Variants in MYADML2 observed in about 807,000 individuals in gnomAD.
The protein encoded by MYADML2 is myeloid-associated differentiation marker-like protein 2.
Under a neutral mutation model 16.0 loss-of-function variants are expected in MYADML2, and 17 were observed. The ratio of observed to expected loss-of-function variants is 1.06; its 90% CI spans 0.73 to 1.60. MYADML2 has a LOEUF of 1.60. MYADML2 is among the 40% of genes most tolerant of loss of function. The probability of loss-of-function intolerance (pLI) is 0.00; values close to 1 mark genes in which losing one functional copy is unlikely to be tolerated. For synonymous variants in MYADML2, 210 were observed against 208.1 expected (o/e 1.01, Z -0.08); for missense variants, 422 against 437.7 (o/e 0.96, Z 0.32).
intron 1 of MYADML2, among the ~76,000 whole-genome samples, chr17:81,944,212 C>G (rs1289899010): frequency 6.6e-6 from 1 of 152,032 alleles, no homozygotes; most frequent in South Asian, 2.1e-4. Flanking sequence ...TGAGACCGTC[C>G]TGGCTAACAC....
At chr17:81,945,375 TA>T (rs1227259124) in intron 1 of MYADML2, among the ~76,000 whole-genome samples, 3 of 151,688 alleles carry the variant, frequency 2.0e-5, no homozygotes, top group African/African-American at 4.8e-5. Flanking sequence ...CCATCTCTAC[TA>T]AAAATACAAA....
In MYADML2 at chr17:81,941,445, G is replaced by A. The variant is rs1211607447; in HGVS notation, c.297C>T (p.Cys99=). ...AAFAMLATLL[C]ATAAVLYPLY... is the part of the protein sequence containing the mutation. ...GCGGATACAGGACCGCAGCCGTCGC[G>A]CATAGCAGGGTGGCCAGCATGGCGA... Residue 99 remains cysteine (C), a synonymous_variant, in exon 3 of 3, where the codon TGC becomes TGT. Transcript: ENST00000409745. 5.2e-6 allele frequency: 8 copies of A among 1,549,376 alleles called. No individual in the cohort carries two copies. Among genetic ancestry groups the A allele is most frequent in the Middle Eastern group, 1.7e-4 (1 of 5,964 alleles).
chr17:81,943,390 A>AT (rs1382454626), intron 1 of MYADML2, among the ~76,000 whole-genome samples: 35 of 143,222 alleles, frequency 2.4e-4, no homozygotes, highest in Admixed American at 1.4e-3. Flanking sequence ...TTTCTTACTA[A>AT]TTTTTTTTTC....
Position 81,946,024 on chromosome 17 carries a change from C to T in MYADML2, c.-181+1035G>A, listed in dbSNP as rs982193328. Among the ~76,000 whole-genome samples the T allele has an allele frequency of 7.2e-5, 11 of 152,154 alleles. No individual in the cohort carries two copies. The East Asian group carries it at 1.9e-3, about 27-fold the overall frequency. On this transcript the variant is annotated intron_variant, in intron 1 of 2. Coordinates refer to ENST00000409745, the MANE Select transcript of MYADML2 (RefSeq NM_001145113.3). ...ACATTTGGTCATCTGTCCTCAGGTT[C>T]CACACCCAAGTATTCAACAAACCTC...
chr17:81,943,419 T>C (rs1431333127), intron 1 of MYADML2, among the ~76,000 whole-genome samples: 2 of 150,774 alleles, frequency 1.3e-5, no homozygotes, highest in Non-Finnish European at 3.0e-5. Context: ...TTTTTTTTTT[T>C]TTGAGACAGA....
Position 81,941,359 on chromosome 17 carries a change from CG to C in MYADML2, c.382del (p.Arg128AlafsTer21). ...CCCGGCGAAGACACTGGCTGCCAGG[CG>C]GAAGTCCCTGGCAGCACAGCCGGCG... ...EPAGCAARDF[R>X]LAASVFAGLL... is the part of the protein sequence containing the mutation. On this transcript the variant is annotated frameshift_variant, in exon 3 of 3. Transcript: ENST00000409745. LOFTEE classifies it high-confidence loss of function. 6.5e-7 allele frequency: 1 copy of C among 1,548,756 alleles called. No individual in the cohort carries two copies. Among genetic ancestry groups the C allele is most frequent in the Non-Finnish European group, 8.7e-7 (1 of 1,146,256 alleles).
chr17:81,945,350 T>C (rs538462665), intron 1 of MYADML2, among the ~76,000 whole-genome samples: 42 of 151,946 alleles, frequency 2.8e-4, no homozygotes, highest in East Asian at 2.3e-3. Context: ...CCATCCTGGC[T>C]AACACAGTGA....
In MYADML2 at chr17:81,941,247, C is replaced by A; in HGVS notation, c.495G>T (p.Gly165=). The change falls in exon 3 of 3, where the codon GGG becomes GGT. Residue 165 remains glycine, a synonymous_variant. Transcript: ENST00000409745. ...CGAAGGCCTGGACGATCTTGAGGAG[C>A]CCCGACACCGTGGCCATATAGCTGC... ...QVSSYMATVS[G]LLKIVQAFVA... 6.5e-7 allele frequency: 1 copy of A among 1,550,150 alleles called. No homozygotes were observed. Among genetic ancestry groups the A allele is most frequent in the South Asian group, 1.2e-5 (1 of 84,070 alleles).
intron 1 of MYADML2, among the ~76,000 whole-genome samples, chr17:81,943,973 G>A (rs185661816): frequency 0.018 from 2,789 of 151,778 alleles, 86 homozygotes; most frequent in African/African-American, 0.065. Flanking sequence ...TTAGCCAGGT[G>A]TGGTGGCACG....
intron 1 of MYADML2, among the ~76,000 whole-genome samples, chr17:81,943,308 A>T (rs1424511387): frequency 6.6e-6 from 1 of 151,196 alleles, no homozygotes; most frequent in Non-Finnish European, 1.5e-5. Context: ...TGACCTCGTG[A>T]TCCACCTGCC....
chr17:81,946,290 G>C (rs1372229197), intron 1 of MYADML2, among the ~76,000 whole-genome samples: 2 of 152,104 alleles, frequency 1.3e-5, no homozygotes, highest in Non-Finnish European at 2.9e-5. Context: ...GGAAGGCAGA[G>C]GTTGCAGTCA....
Position 81,941,184 on chromosome 17 carries a change from G to A in MYADML2, c.558C>T (p.Ser186=). The A allele has an allele frequency of 1.3e-6, 2 of 1,550,214 alleles. No individual in the cohort carries two copies. The highest frequency in any genetic ancestry group is 2.4e-5 in the South Asian group (2 of 84,064). The change falls in exon 3 of 3, where the codon AGC becomes AGT. Residue 186 remains serine, a synonymous_variant. Coordinates refer to ENST00000409745, the MANE Select transcript of MYADML2 (RefSeq NM_001145113.3). Reference sequence around the variant, plus strand: ...GGGTGGCCACGTAGCGCCCGTAGCGGCTGTCATGGACCAGCGCCCCGAAGA... The same window carrying A: ...GGGTGGCCACGTAGCGCCCGTAGCGACTGTCATGGACCAGCGCCCCGAAGA... ...CIIFGALVHD[S]RYGRYVATQW...
Position 81,941,585 on chromosome 17 carries a change from A to C in MYADML2, c.157T>G (p.Phe53Val). ...CAGAAGCCCCAGGCGGCCATGCAGA[A>C]GGTGCCCTGGACGCCCGCAAAGCCA... ...RGGFAGVQGT[F>V]CMAAWGFCFA... The change falls in exon 3 of 3, where the codon TTC becomes GTC. Residue 53 changes from phenylalanine to valine, a missense_variant. Phe to Val is a conservative substitution (Grantham distance 50). Transcript: ENST00000409745. 1 of 1,548,620 alleles carries C rather than the reference A, an allele frequency of 6.5e-7. No homozygotes were observed. Among genetic ancestry groups the C allele is most frequent in the Non-Finnish European group, 8.7e-7 (1 of 1,146,824 alleles).
Position 81,941,183 on chromosome 17 carries a change from G to T in MYADML2, c.559C>A (p.Arg187Ser), listed in dbSNP as rs201860567. The part of the protein sequence containing the change: ...IIFGALVHDS[R>S]YGRYVATQWC... ...TGGGTGGCCACGTAGCGCCCGTAGC[G>T]GCTGTCATGGACCAGCGCCCCGAAG... Residue 187 changes from arginine to serine, a missense_variant, in exon 3 of 3, where the codon CGC (arginine) becomes AGC (serine). Coordinates refer to ENST00000409745, the MANE Select transcript of MYADML2 (RefSeq NM_001145113.3). 25 of 1,550,062 alleles carry T rather than the reference G, an allele frequency of 1.6e-5. No homozygotes were observed. The highest frequency in any genetic ancestry group is 7.0e-6 in the Non-Finnish European group (8 of 1,146,936).
chr17:81,943,473 G>A (rs1294733953), intron 1 of MYADML2, among the ~76,000 whole-genome samples: 4 of 124,458 alleles, frequency 3.2e-5, no homozygotes, highest in Non-Finnish European at 6.9e-5. Flanking sequence ...GCGCAATCTC[G>A]GCTCACTGCA....
At chr17:81,944,281 G>C (rs370088235) in intron 1 of MYADML2, among the ~76,000 whole-genome samples, 1 of 151,840 alleles carries the variant, frequency 6.6e-6, no homozygotes, top group Non-Finnish European at 1.5e-5. Flanking sequence ...ATGGTGGCAC[G>C]CACCTGTAGG....
intron 1 of MYADML2, among the ~76,000 whole-genome samples, chr17:81,945,403 G>A (rs1040957959): frequency 1.3e-5 from 2 of 152,066 alleles, no homozygotes; most frequent in Non-Finnish European, 2.9e-5. Context: ...TCCAGGCGTG[G>A]TGATGGGCGC....
In MYADML2 at chr17:81,941,050, A is replaced by ACCAG; in HGVS notation, c.688_691dup (p.Val231AlafsTer31). On this transcript the variant is annotated frameshift_variant, in exon 3 of 3. Coordinates refer to ENST00000409745, the MANE Select transcript of MYADML2 (RefSeq NM_001145113.3). LOFTEE classifies it high-confidence loss of function. ...CACAGCCAGGAAGGTGTACACCACCACCAGCCGGTCAAAGGGGCAGCCCAG... is the reference window on the plus strand; with the variant it reads ...CACAGCCAGGAAGGTGTACACCACCACCAGCCAGCCGGTCAAAGGGGCAGCCCAG... The ACCAG allele has an allele frequency of 6.5e-7, 1 of 1,550,288 alleles. No individual in the cohort carries two copies.
In MYADML2 at chr17:81,941,183, G is replaced by A. The variant is rs201860567; in HGVS notation, c.559C>T (p.Arg187Cys). The change falls in exon 3 of 3, where the codon CGC becomes TGC. Residue 187 changes from arginine (R) to cysteine (C), a missense_variant. By Grantham distance (180) the Arg-to-Cys change is radical (BLOSUM62 -3). Coordinates refer to ENST00000409745, the MANE Select transcript of MYADML2 (RefSeq NM_001145113.3). ...TGGGTGGCCACGTAGCGCCCGTAGCGGCTGTCATGGACCAGCGCCCCGAAG... is the reference window on the plus strand; with the variant it reads ...TGGGTGGCCACGTAGCGCCCGTAGCAGCTGTCATGGACCAGCGCCCCGAAG... ...IIFGALVHDS[R>C]YGRYVATQWC... 7.3e-5 allele frequency: 113 copies of A among 1,550,180 alleles called. No homozygotes were observed. The African/African-American group carries it at 1.2e-3, about 16-fold the overall frequency.
Sources: gnomAD v4.1 joint callset for allele counts (sites outside exome capture counted in the v4.1 genomes callset) on GRCh38, gnomAD v4.1.1 for gene constraint, MANE v1.5 for transcripts, NCBI Gene and HGNC (gene_info 2026-07-23, HGNC 2026-07-21) for gene names.